Variants in FRMD4A observed in about 807,000 individuals in gnomAD.
FRMD4A encodes the protein FERM domain containing 4A, also known as FERM domain-containing protein 4A.
In FRMD4A, 29 loss-of-function variants were observed where a neutral mutation model predicts 129.1. That is an observed-to-expected ratio of 0.22 (90% CI 0.17 to 0.31). The LOEUF is 0.31. FRMD4A is among the 10% of genes least tolerant of loss of function. The pLI is 1.00. For synonymous variants in FRMD4A, 634 were observed against 571.6 expected, an observed-to-expected ratio of 1.11 and a Z score of -1.56; for missense variants, 1,272 against 1,375.8, an observed-to-expected ratio of 0.92 and a Z score of 1.19.
chr10:14,158,442 C>T (rs1483770521), intron 2 of FRMD4A, among the ~76,000 whole-genome samples: 2 of 152,106 alleles, frequency 1.3e-5, no homozygotes, highest in Admixed American at 6.5e-5. Flanking sequence ...AAGACCCCAC[C>T]TCTACAAAAA....
At chr10:13,801,874 G>A (rs1385141536) in intron 4 of FRMD4A, among the ~76,000 whole-genome samples, 2 of 152,100 alleles carry the variant, frequency 1.3e-5, no homozygotes, top group Admixed American at 1.3e-4. Context: ...GGATGGAATG[G>A]GACGAAAAGT....
At chr10:13,830,203 C>T (rs2093767786) in intron 3 of FRMD4A, among the ~76,000 whole-genome samples, 1 of 152,240 alleles carries the variant, frequency 6.6e-6, no homozygotes, top group Non-Finnish European at 1.5e-5. Flanking sequence ...CCAGGCAGAG[C>T]ATCCATCGGG....
intron 6 of FRMD4A, among the ~76,000 whole-genome samples, chr10:13,768,503 G>A (rs1348782917): frequency 6.6e-6 from 1 of 152,192 alleles, no homozygotes; most frequent in African/African-American, 2.4e-5. Flanking sequence ...CAACCATATA[G>A]TAGGTCGAGA....
At chr10:13,911,472 G>C (rs1039179054) in intron 2 of FRMD4A, among the ~76,000 whole-genome samples, 1 of 152,152 alleles carries the variant, frequency 6.6e-6, no homozygotes, top group Non-Finnish European at 1.5e-5. Context: ...AGTTCATTCA[G>C]TTCACCACCT....
At chr10:13,647,081 G>A (rs72767564) in intron 24 of FRMD4A, 46 bp from the exon 25 acceptor site, 15,030 of 405,086 alleles carry the variant, frequency 0.037, 402 homozygotes, top group Non-Finnish European at 0.044. Context: ...GTTAGTGGAG[G>A]AGGATGGGTT....
At chr10:14,224,482 C>A (rs1040416499) in intron 2 of FRMD4A, among the ~76,000 whole-genome samples, 6 of 152,198 alleles carry the variant, frequency 3.9e-5, no homozygotes, top group Admixed American at 6.5e-5. Flanking sequence ...GGCAGAAAGA[C>A]TTTGGTCCCA....
chr10:13,805,312 T>C (rs2093340583), intron 4 of FRMD4A, among the ~76,000 whole-genome samples: 1 of 152,088 alleles, frequency 6.6e-6, no homozygotes, highest in African/African-American at 2.4e-5. Context: ...CCAGCCCATA[T>C]TATTAATTGG....
intron 2 of FRMD4A, among the ~76,000 whole-genome samples, chr10:14,242,952 A>C (rs922116171): frequency 1.3e-5 from 2 of 152,240 alleles, no homozygotes; most frequent in African/African-American, 4.8e-5. Flanking sequence ...TCATGGAAGC[A>C]TTATTTATAA....
At chr10:13,822,986 C>T (rs2093651373) in intron 3 of FRMD4A, among the ~76,000 whole-genome samples, 1 of 152,132 alleles carries the variant, frequency 6.6e-6, no homozygotes, top group South Asian at 2.1e-4. Flanking sequence ...CTCTCCTTCC[C>T]CTTTATGCTT....
chr10:13,833,543 G>T (rs2093823173), intron 3 of FRMD4A, among the ~76,000 whole-genome samples: 1 of 152,142 alleles, frequency 6.6e-6, no homozygotes, highest in Non-Finnish European at 1.5e-5. Flanking sequence ...TGGGGCATCT[G>T]CCCTGTGCCC....
At chr10:13,679,474 TACACACACACACACACAC>T (rs59818032) in intron 15 of FRMD4A, among the ~76,000 whole-genome samples, 1 of 31,468 alleles carries the variant, frequency 3.2e-5, no homozygotes, top group African/African-American at 1.3e-4. Flanking sequence ...TATATATATA[TACACACACACACACACAC>T]ACACACACAC....
chr10:14,324,827 ATT>A (rs1445511785), intron 2 of FRMD4A, among the ~76,000 whole-genome samples: 2 of 151,976 alleles, frequency 1.3e-5, no homozygotes, highest in Non-Finnish European at 1.5e-5. Context: ...CGCCTTGCTA[ATT>A]TTTGTATTTT....
intron 2 of FRMD4A, among the ~76,000 whole-genome samples, chr10:14,245,354 G>T (rs1564413949): frequency 6.6e-6 from 1 of 152,202 alleles, no homozygotes; most frequent in Non-Finnish European, 1.5e-5. Flanking sequence ...TGTGCAAAAT[G>T]CGGATGACCA....
intron 2 of FRMD4A, among the ~76,000 whole-genome samples, chr10:14,000,419 G>T (rs2095637553): frequency 6.6e-6 from 1 of 151,904 alleles, no homozygotes; most frequent in Non-Finnish European, 1.5e-5. Context: ...GGCTAAAGCG[G>T]GTGGATCACT....
At chr10:13,765,560 CT>C (rs2092259031) in intron 6 of FRMD4A, among the ~76,000 whole-genome samples, 1 of 152,300 alleles carries the variant, frequency 6.6e-6, no homozygotes, top group African/African-American at 2.4e-5. Context: ...CAGTTGGATA[CT>C]AATATTTGCC....
chr10:13,741,881 G>A (rs1031000373), intron 9 of FRMD4A, among the ~76,000 whole-genome samples: 3 of 152,112 alleles, frequency 2.0e-5, no homozygotes, highest in African/African-American at 7.2e-5. Context: ...TTTTTGAGAC[G>A]CAGTCTCCCT....
intron 3 of FRMD4A, among the ~76,000 whole-genome samples, chr10:13,824,458 C>T (rs138016062): frequency 5.9e-5 from 9 of 151,700 alleles, no homozygotes; most frequent in African/African-American, 2.2e-4. Flanking sequence ...CTACTACACT[C>T]CAGCCCGGGT....
At chr10:13,653,099 C>CATGTGTGTTAGAAGCTGCTCGCAGCCT (rs2081809217) in intron 23 of FRMD4A, 1 of 151,826 alleles carries the variant, frequency 6.6e-6, no homozygotes, top group Non-Finnish European at 1.5e-5. Flanking sequence ...TGTATGAGCT[C>CATGTGTGTTAGAAGCTGCTCGCAGCCT]ATGTGTGTTA....
intron 2 of FRMD4A, among the ~76,000 whole-genome samples, chr10:14,273,643 A>C: frequency 6.6e-6 from 1 of 152,032 alleles, no homozygotes. Flanking sequence ...CACTAGACAC[A>C]GACATGGCCA....
Sources: allele counts gnomAD v4.1 joint callset (sites outside exome capture counted in the v4.1 genomes callset), GRCh38; gene constraint gnomAD v4.1.1; transcripts MANE v1.5; gene names NCBI Gene and HGNC (gene_info 2026-07-23, HGNC 2026-07-21).